The following MYO3A variants were observed in gnomAD, a reference collection of about 807,000 sequenced individuals.
The protein encoded by MYO3A is myosin IIIA.
MYO3A carries 180 observed loss-of-function variants against 192.7 expected under a neutral mutation model. That is an observed-to-expected ratio of 0.93 (90% confidence interval 0.83 to 1.06). The LOEUF is 1.06. Ranked by LOEUF, MYO3A falls within the 50% of genes least tolerant of loss-of-function variation. The pLI is 0.00. For synonymous variants in MYO3A, 628 were observed against 645.3 expected (o/e 0.97, Z 0.41); for missense variants, 1,896 against 1,905.0 (o/e 1.00, Z 0.09).
intron 1 of MYO3A, among the ~76,000 whole-genome samples, chr10:25,934,973 T>G (rs1835953219): frequency 6.6e-6 from 1 of 151,942 alleles, no homozygotes; most frequent in African/African-American, 2.4e-5. Flanking sequence ...GCAGGGAGAC[T>G]GGAGGGAGGA....
intron 17 of MYO3A, among the ~76,000 whole-genome samples, chr10:26,099,262 T>A (rs2131577933): frequency 6.6e-6 from 1 of 152,360 alleles, no homozygotes; most frequent in African/African-American, 2.4e-5. Flanking sequence ...ATTGATTTTG[T>A]ATCCTGAGAC....
intron 10 of MYO3A, among the ~76,000 whole-genome samples, chr10:26,063,682 A>G (rs984790546): frequency 6.6e-6 from 1 of 152,174 alleles, no homozygotes; most frequent in African/African-American, 2.4e-5. Context: ...TGAGGAGTGT[A>G]AAAGGTGACA....
At chr10:26,211,799 C>T (rs1443428217) in intron 34 of MYO3A, 44 bp from the exon 35 acceptor site, 10 of 1,612,640 alleles carry the variant, frequency 6.2e-6, no homozygotes, top group South Asian at 1.1e-5. Context: ...ACGCGCTGCT[C>T]ACTGTGGTGA....
intron 4 of MYO3A, among the ~76,000 whole-genome samples, chr10:25,985,923 A>G (rs1839624029): frequency 6.6e-6 from 1 of 152,208 alleles, no homozygotes. Flanking sequence ...AGAAAACTGC[A>G]TATCCCTGAT....
chr10:26,183,380 G>A (rs938949987), intron 31 of MYO3A, among the ~76,000 whole-genome samples: 3 of 152,084 alleles, frequency 2.0e-5, no homozygotes, highest in African/African-American at 7.2e-5. Flanking sequence ...AAAATTAGCC[G>A]GGCTTGGTGG....
chr10:26,126,145 A>G (rs1779442223), intron 19 of MYO3A, among the ~76,000 whole-genome samples: 1 of 152,206 alleles, frequency 6.6e-6, no homozygotes, highest in African/African-American at 2.4e-5. Flanking sequence ...TGATGTAAGC[A>G]TTGTTATCTG....
chr10:26,086,770 G>A (rs1292526573), intron 14 of MYO3A, among the ~76,000 whole-genome samples: 1 of 152,112 alleles, frequency 6.6e-6, no homozygotes, highest in Non-Finnish European at 1.5e-5. Flanking sequence ...GGGGCACGGG[G>A]GCAGTGAGGC....
chr10:26,080,834 G>C (rs1835880521), intron 14 of MYO3A, among the ~76,000 whole-genome samples: 1 of 152,086 alleles, frequency 6.6e-6, no homozygotes, highest in African/African-American at 2.4e-5. Context: ...TCTGGGTCAA[G>C]CCACCCAGCG....
At chr10:25,975,446 T>C (rs1838910538) in intron 4 of MYO3A, among the ~76,000 whole-genome samples, 1 of 152,194 alleles carries the variant, frequency 6.6e-6, no homozygotes. Context: ...TAACGGCAGT[T>C]ATCAAAGAAG....
In MYO3A at chr10:25,956,518, A is replaced by G. The variant is rs974303370; in HGVS notation, c.303+1510A>G. Among the ~76,000 whole-genome samples, 6 of 82,208 alleles carry G rather than the reference A, an allele frequency of 7.3e-5. No individual in the cohort carries two copies. In the South Asian group the frequency reaches 2.3e-3, roughly 31 times the overall value. The allele number at this position is 82,208 out of a possible 152,430, so 53.9% of individuals were successfully genotyped here. A position where few individuals can be genotyped will look rare whatever the true frequency, so the allele number is the denominator to read the frequency against. On this transcript the variant is annotated intron_variant, in intron 4 of 34. Transcript: ENST00000642920. ...AAATTTTTTTTTTTTTTTTTTTTGT[A>G]TTTTTAGTAGAGACAGTGTTTCACT...
chr10:26,054,552 G>A (rs1219566293), intron 10 of MYO3A, among the ~76,000 whole-genome samples: 1 of 152,204 alleles, frequency 6.6e-6, no homozygotes, highest in Non-Finnish European at 1.5e-5. Flanking sequence ...CCTGGGATCT[G>A]TGAATATTAC....
At chr10:25,965,571 G>A (rs1307536140) in intron 4 of MYO3A, among the ~76,000 whole-genome samples, 1 of 152,006 alleles carries the variant, frequency 6.6e-6, no homozygotes, top group African/African-American at 2.4e-5. Flanking sequence ...CGTGATCCCC[G>A]AGTCCACTGT....
At chr10:26,128,324 A>G in intron 19 of MYO3A, 67 bp from the exon 20 acceptor site, 1 of 1,526,170 alleles carries the variant, frequency 6.6e-7, no homozygotes, top group South Asian at 1.1e-5. Context: ...TGGTAACTCT[A>G]AGATTCCCTG....
intron 34 of MYO3A, among the ~76,000 whole-genome samples, chr10:26,206,151 C>G (rs1000637532): frequency 6.6e-6 from 1 of 151,712 alleles, no homozygotes; most frequent in African/African-American, 2.4e-5. Context: ...ACCTCTGCCT[C>G]CCAGGTTCAA....
chr10:26,092,878 T>C (rs1159299163), intron 15 of MYO3A, among the ~76,000 whole-genome samples: 1 of 152,252 alleles, frequency 6.6e-6, no homozygotes, highest in Non-Finnish European at 1.5e-5. Context: ...CAGCTTGATA[T>C]GGTTCGTGAC....
chr10:25,954,875 A>G lies in MYO3A; in HGVS notation c.170A>G (p.Asp57Gly), dbSNP rs146511800. 1.2e-6 allele frequency: 2 copies of G among 1,611,944 alleles called. No individual in the cohort carries two copies. Among genetic ancestry groups the G allele is most frequent in the South Asian group, 2.2e-5 (2 of 91,014 alleles). Residue 57 changes from aspartate (D) to glycine (G), a missense_variant and splice_region_variant, in exon 4 of 35, where the codon GAT becomes GGT. Coordinates refer to ENST00000642920, the MANE Select transcript of MYO3A (RefSeq NM_017433.5). ...AAVKILDPIH[D>G]IDEEIEAEYN... is the part of the protein sequence containing the mutation. ...ATTCTTATGACTTTTTGAAACTAGG[A>G]TATTGACGAAGAGATTGAAGCAGAA...
intron 25 of MYO3A, among the ~76,000 whole-genome samples, chr10:26,155,922 A>G (rs1282897554): frequency 6.6e-6 from 1 of 152,232 alleles, no homozygotes; most frequent in Non-Finnish European, 1.5e-5. Context: ...AATCTTTTTA[A>G]TCTTCAGGCT....
intron 32 of MYO3A, among the ~76,000 whole-genome samples, chr10:26,197,658 G>T (rs1451603502): frequency 6.6e-6 from 1 of 152,144 alleles, no homozygotes; most frequent in Non-Finnish European, 1.5e-5. Flanking sequence ...CCGCCTCCCG[G>T]GTTCAACCGA....
intron 30 of MYO3A, among the ~76,000 whole-genome samples, chr10:26,175,754 T>C (rs1842294126): frequency 6.6e-6 from 1 of 152,178 alleles, no homozygotes; most frequent in South Asian, 2.1e-4. Context: ...GGATTAGAAC[T>C]CAGACCTGCT....
Sources: gnomAD v4.1 joint callset for allele counts (sites outside exome capture counted in the v4.1 genomes callset) on GRCh38, gnomAD v4.1.1 for gene constraint, MANE v1.5 for transcripts, NCBI Gene and HGNC (gene_info 2026-07-23, HGNC 2026-07-21) for gene names.